KANSL1: variants seen among roughly 807,000 people sequenced by gnomAD.
KANSL1 encodes the protein KAT8 regulatory NSL complex subunit 1, also known as MLL1/MLL complex subunit KANSL1.
A neutral mutation model predicts 103.6 loss-of-function variants in KANSL1; 22 were observed. That is an observed-to-expected ratio of 0.21 (90% CI 0.15 to 0.30). The LOEUF (loss-of-function observed/expected upper bound fraction) is 0.30. Among genes scored for constraint, KANSL1 ranks in the 10% least tolerant of loss-of-function variants. The pLI, the probability that KANSL1 is intolerant of heterozygous loss-of-function variation, is 1.00. For synonymous variants in KANSL1, 600 were observed against 527.6 expected, an observed-to-expected ratio of 1.14 and a Z score of -1.88; for missense variants, 1,337 against 1,399.8, an observed-to-expected ratio of 0.96 and a Z score of 0.72.
intron 2 of KANSL1, among the ~76,000 whole-genome samples, chr17:46,123,858 C>T (rs918960128): frequency 4.6e-5 from 7 of 152,284 alleles, no homozygotes; most frequent in East Asian, 1.9e-4. Context: ...CTAAGATCAT[C>T]GATGAAGATG....
At chr17:46,050,479 T>G in intron 7 of KANSL1, 54 bp downstream of exon 7, 3 of 1,555,030 alleles carry the variant, frequency 1.9e-6, no homozygotes, top group Non-Finnish European at 2.6e-6. Flanking sequence ...TTCTTTCACC[T>G]AGAAGTCTCT....
intron 2 of KANSL1, among the ~76,000 whole-genome samples, chr17:46,146,051 C>T (rs914068271): frequency 6.6e-6 from 1 of 152,164 alleles, no homozygotes; most frequent in Non-Finnish European, 1.5e-5. Context: ...TCTGAAGCCT[C>T]TTTACTCATT....
At chr17:46,138,117 C>T (rs1597771264) in intron 2 of KANSL1, among the ~76,000 whole-genome samples, 2 of 152,292 alleles carry the variant, frequency 1.3e-5, no homozygotes, top group Middle Eastern at 3.4e-3. Flanking sequence ...TCTTTCCACA[C>T]ATGCAAATAC....
intron 1 of KANSL1, among the ~76,000 whole-genome samples, chr17:46,220,324 C>G (rs151212861): frequency 0.042 from 6,144 of 147,548 alleles, no homozygotes; most frequent in African/African-American, 0.16. Flanking sequence ...TCACGCCATT[C>G]TCCTGCCTCA....
At chr17:46,217,806 C>G (rs555669210) in intron 1 of KANSL1, among the ~76,000 whole-genome samples, 1 of 152,186 alleles carries the variant, frequency 6.6e-6, no homozygotes, top group Non-Finnish European at 1.5e-5. Context: ...AGGCAGATCA[C>G]CTGAGGTCAG....
chr17:46,194,712 A>G (rs932181807), upstream of KANSL1, among the ~76,000 whole-genome samples: 5 of 152,378 alleles, frequency 3.3e-5, no homozygotes, highest in Admixed American at 6.5e-5. Context: ...TGTATGCTCT[A>G]CTACCAAAAA....
intron 1 of KANSL1, among the ~76,000 whole-genome samples, chr17:46,175,474 C>T (rs997455727): frequency 2.0e-4 from 30 of 152,032 alleles, no homozygotes; most frequent in Non-Finnish European, 4.0e-4. Flanking sequence ...TTCAGCCTCC[C>T]GAGTAGCTGG....
At chr17:46,218,322 T>C (rs1292001124) in intron 1 of KANSL1, among the ~76,000 whole-genome samples, 1 of 152,262 alleles carries the variant, frequency 6.6e-6, no homozygotes, top group Non-Finnish European at 1.5e-5. Context: ...TCTGCGTGAA[T>C]AAACTCATTT....
intron 2 of KANSL1, among the ~76,000 whole-genome samples, chr17:46,145,568 G>A (rs139392712): frequency 4.6e-5 from 7 of 152,286 alleles, no homozygotes; most frequent in African/African-American, 1.7e-4. Context: ...ACATTTTAAT[G>A]CACTAAATAA....
At chr17:46,047,015 T>G (rs1231245677) in intron 7 of KANSL1, among the ~76,000 whole-genome samples, 3 of 151,200 alleles carry the variant, frequency 2.0e-5, no homozygotes, top group Non-Finnish European at 1.5e-5. Context: ...CAGAGGAAAA[T>G]GTTTTAGTGT....
intron 7 of KANSL1, among the ~76,000 whole-genome samples, chr17:46,047,592 T>TG (rs1168241163): frequency 1.3e-5 from 2 of 151,976 alleles, no homozygotes; most frequent in Non-Finnish European, 2.9e-5. Flanking sequence ...AAAACCAGCC[T>TG]GGGCAATATA....
At chr17:46,061,871 C>T (rs1271601865) in intron 6 of KANSL1, among the ~76,000 whole-genome samples, 1 of 152,124 alleles carries the variant, frequency 6.6e-6, no homozygotes, top group Non-Finnish European at 1.5e-5. Flanking sequence ...GCGGATGGAT[C>T]AGCTGAAGTC....
At chr17:46,198,422 T>TTA (rs1567797004), upstream of KANSL1, among the ~76,000 whole-genome samples, 3 of 96,112 alleles carry the variant, frequency 3.1e-5, 1 homozygote, top group Admixed American at 1.1e-4. Context: ...CTACTTTAAT[T>TTA]AAAAAAAAAA....
chr17:46,129,267 T>C (rs2147258829), intron 2 of KANSL1, among the ~76,000 whole-genome samples: 1 of 152,336 alleles, frequency 6.6e-6, no homozygotes, highest in African/African-American at 2.4e-5. Context: ...GCATTTATTT[T>C]GGCTGGCAAA....
At chr17:46,127,587 A>G (rs1027098807) in intron 2 of KANSL1, among the ~76,000 whole-genome samples, 1 of 152,226 alleles carries the variant, frequency 6.6e-6, no homozygotes, top group Non-Finnish European at 1.5e-5. Flanking sequence ...CAGCCTGGGC[A>G]ACATGGTAAA....
intron 4 of KANSL1, among the ~76,000 whole-genome samples, chr17:46,076,495 CAA>C (rs36086421): frequency 1.2e-3 from 92 of 79,482 alleles, no homozygotes; most frequent in African/African-American, 2.4e-3. Context: ...GACTTCATCT[CAA>C]AAAAAAAAAA....
chr17:46,205,355 T>C (rs1387628947), intron 1 of KANSL1, among the ~76,000 whole-genome samples: 1 of 151,354 alleles, frequency 6.6e-6, no homozygotes, highest in East Asian at 1.9e-4. Flanking sequence ...TTTTAAAAAT[T>C]CCACTTACAA....
intron 4 of KANSL1, among the ~76,000 whole-genome samples, chr17:46,069,078 A>G (rs1413819385): frequency 6.6e-6 from 1 of 152,114 alleles, no homozygotes; most frequent in Non-Finnish European, 1.5e-5. Context: ...GGCACACACT[A>G]CCATGCTCAT....
At chr17:46,061,953 G>A (rs1292896472) in intron 6 of KANSL1, among the ~76,000 whole-genome samples, 3 of 151,840 alleles carry the variant, frequency 2.0e-5, no homozygotes, top group Admixed American at 6.6e-5. Flanking sequence ...TTAGCCAGGC[G>A]TCGTCGTGGG....
Sources: allele counts gnomAD v4.1 joint callset (sites outside exome capture counted in the v4.1 genomes callset), GRCh38; gene constraint gnomAD v4.1.1; transcripts MANE v1.5; gene names NCBI Gene and HGNC (gene_info 2026-07-23, HGNC 2026-07-21).